The following NOX4 variants were observed in gnomAD, a reference collection of about 807,000 sequenced individuals.
NOX4 encodes NADPH oxidase 4.
A neutral mutation model predicts 87.6 loss-of-function variants in NOX4; 69 were observed. The observed-to-expected ratio is 0.79, with a 90% CI of 0.65 to 0.96. The LOEUF (loss-of-function observed/expected upper bound fraction) is 0.96, where lower values mean the gene tolerates loss of function less well. NOX4 is among the 40% of genes least tolerant of loss of function. The pLI is 0.00. For synonymous variants in NOX4, 275 were observed against 238.2 expected, an observed-to-expected ratio of 1.15 and a Z score of -1.42; for missense variants, 680 against 681.5, an observed-to-expected ratio of 1.00 and a Z score of 0.02.
At chr11:89,562,292 AG>A in the NOX4 span, among the ~76,000 whole-genome samples, 244 of 152,300 alleles carry the variant, frequency 1.6e-3, no homozygotes, top group Non-Finnish European at 2.7e-3. Context: ...GGAATTAGAA[AG>A]GAGTCAATGA....
At chr11:89,430,680 T>C (rs1002840712) in intron 7 of NOX4, among the ~76,000 whole-genome samples, 1 of 151,936 alleles carries the variant, frequency 6.6e-6, no homozygotes, top group Non-Finnish European at 1.5e-5. Context: ...GAGAACTACA[T>C]ACCACTGCTC....
At chr11:89,491,822 G>A (rs1461054766), upstream of NOX4, among the ~76,000 whole-genome samples, 1 of 151,574 alleles carries the variant, frequency 6.6e-6, no homozygotes, top group African/African-American at 2.4e-5. Context: ...TCATCTCAAA[G>A]AGCCTTGGTA....
chr11:89,333,501 G>T (rs1156757474), intron 17 of NOX4, among the ~76,000 whole-genome samples: 1 of 151,578 alleles, frequency 6.6e-6, no homozygotes, highest in Non-Finnish European at 1.5e-5. Flanking sequence ...CATTACCTCT[G>T]GGCCAGAAGG....
At chr11:89,498,967 A>G (rs1262316680), upstream of NOX4, 1 of 152,640 alleles carries the variant, frequency 6.6e-6, no homozygotes. Context: ...GCTTTTCATA[A>G]TATCTAATTT....
chr11:89,532,023 T>C, the NOX4 span, among the ~76,000 whole-genome samples: 1 of 152,192 alleles, frequency 6.6e-6, no homozygotes, highest in South Asian at 2.1e-4. Context: ...TTCGGGAGTT[T>C]CCACCTAGAT....
In NOX4 at chr11:89,424,309, T is replaced by C. The variant is rs571581362; in HGVS notation, c.549-2327A>G. Among the ~76,000 whole-genome samples, 12 of 151,234 alleles carry C rather than the reference T, an allele frequency of 7.9e-5. No individual in the cohort carries two copies. In the East Asian group the frequency reaches 1.2e-3, roughly 15 times the overall value. On this transcript the variant is annotated intron_variant, in intron 7 of 17. Coordinates refer to ENST00000263317, the MANE Select transcript of NOX4 (RefSeq NM_016931.5). ...TATCCAATTACCTTTTCAACTCTTT[T>C]ACTTGGTGTTAACACCAAATTTTTC...
chr11:89,415,019 C>A (rs1454861798), intron 8 of NOX4, among the ~76,000 whole-genome samples: 1 of 151,992 alleles, frequency 6.6e-6, no homozygotes, highest in Non-Finnish European at 1.5e-5. Context: ...GGTCAAACTT[C>A]ATGGGCTCAA....
In NOX4 at chr11:89,389,522, CAG is replaced by C. The variant is rs34636407; in HGVS notation, c.1074+10493_1074+10494del. On this transcript the variant is annotated intron_variant, in intron 11 of 17. Coordinates refer to ENST00000263317, the MANE Select transcript of NOX4 (RefSeq NM_016931.5). The stretch of plus-strand genomic sequence containing the variant: ...AAATAAGTATTAGACTTTTTAAAAA[CAG>C]GGGGATTTATTCAAATTTCACCACT... Among the ~76,000 whole-genome samples, 597 of 152,202 alleles carry C rather than the reference CAG, an allele frequency of 3.9e-3. 3 individuals are homozygous for C. In the Middle Eastern group the frequency reaches 0.045, roughly 11 times the overall value.
intron 7 of NOX4, among the ~76,000 whole-genome samples, chr11:89,428,270 A>C (rs1346889359): frequency 6.7e-6 from 1 of 150,358 alleles, no homozygotes; most frequent in Non-Finnish European, 1.5e-5. Flanking sequence ...GAAACACACC[A>C]AATTGTAAAG....
chr11:89,326,734 T>A lies in NOX4; in HGVS notation c.*22A>T. The A allele has an allele frequency of 6.2e-7, 1 of 1,610,008 alleles. No individual in the cohort carries two copies. Among genetic ancestry groups the A allele is most frequent in the East Asian group, 2.2e-5 (1 of 44,730 alleles). The stretch of plus-strand genomic sequence containing the variant: ...AATTGCACTCATTCCTTCTTTAGAG[T>A]CCTGCTTCATGGCAAAAGTTTTCAG... On this transcript the variant is annotated 3_prime_UTR_variant, in exon 18 of 18. Coordinates refer to ENST00000263317, the MANE Select transcript of NOX4 (RefSeq NM_016931.5).
intron 2 of NOX4, among the ~76,000 whole-genome samples, chr11:89,472,070 A>G (rs1240254616): frequency 6.6e-6 from 1 of 152,142 alleles, no homozygotes; most frequent in Non-Finnish European, 1.5e-5. Flanking sequence ...TGATAAGGTT[A>G]TTTTGATAAG....
intron 8 of NOX4, among the ~76,000 whole-genome samples, chr11:89,403,577 T>C (rs966183766): frequency 6.6e-6 from 1 of 151,980 alleles, no homozygotes; most frequent in African/African-American, 2.4e-5. Flanking sequence ...CCGTCTCTAC[T>C]AAAAAACATA....
At chr11:89,562,022 G>A in the NOX4 span, among the ~76,000 whole-genome samples, 1 of 152,160 alleles carries the variant, frequency 6.6e-6, no homozygotes, top group Non-Finnish European at 1.5e-5. Context: ...GGCAATGCCT[G>A]TTTTGTTAGA....
At chr11:89,421,834 T>A (rs1046870925) in intron 8 of NOX4, 68 bp downstream of exon 8, 3 of 888,388 alleles carry the variant, frequency 3.4e-6, no homozygotes, top group Admixed American at 5.3e-5. Flanking sequence ...AAATTTCCTA[T>A]AGAGTTTTCT....
intron 6 of NOX4, among the ~76,000 whole-genome samples, chr11:89,438,709 T>C (rs1206469914): frequency 8.8e-5 from 7 of 79,196 alleles, no homozygotes; most frequent in African/African-American, 3.0e-4. Context: ...ATATACTATA[T>C]ATTATTATAT....
intron 7 of NOX4, among the ~76,000 whole-genome samples, chr11:89,430,188 T>C (rs1262845690): frequency 1.3e-5 from 2 of 152,176 alleles, no homozygotes; most frequent in African/African-American, 4.8e-5. Context: ...AAATTAGGGA[T>C]TGATGGGACA....
intron 2 of NOX4, among the ~76,000 whole-genome samples, chr11:89,466,211 C>T (rs1945687050): frequency 6.6e-6 from 1 of 152,002 alleles, no homozygotes; most frequent in Non-Finnish European, 1.5e-5. Flanking sequence ...CCAAGACAAT[C>T]CTATAGAAAA....
intron 2 of NOX4, among the ~76,000 whole-genome samples, chr11:89,467,067 G>A (rs1039507852): frequency 6.6e-6 from 1 of 151,980 alleles, no homozygotes; most frequent in Non-Finnish European, 1.5e-5. Flanking sequence ...TGTCTTTATC[G>A]GCCGGGCACG....
intron 15 of NOX4, among the ~76,000 whole-genome samples, chr11:89,338,083 C>G (rs537713086): frequency 6.6e-6 from 1 of 152,010 alleles, no homozygotes; most frequent in African/African-American, 2.4e-5. Flanking sequence ...GAACAACAAC[C>G]CCTCACTTCC....
Sources: gnomAD v4.1 joint callset for allele counts (sites outside exome capture counted in the v4.1 genomes callset) on GRCh38, gnomAD v4.1.1 for gene constraint, MANE v1.5 for transcripts, NCBI Gene and HGNC (gene_info 2026-07-23, HGNC 2026-07-21) for gene names.